The following FHIT variants were observed in gnomAD, a reference collection of about 807,000 sequenced individuals.
FHIT encodes the protein fragile histidine triad diadenosine triphosphatase.
In FHIT, 19 loss-of-function variants were observed where a neutral mutation model predicts 17.9. The observed-to-expected ratio is 1.06, with a 90% CI of 0.74 to 1.56. The LOEUF (loss-of-function observed/expected upper bound fraction) is 1.56. FHIT is among the 40% of genes most tolerant of loss of function. The pLI, the probability that FHIT is intolerant of heterozygous loss-of-function variation, is 0.00. For missense variants in FHIT, 248 were observed against 189.2 expected, an observed-to-expected ratio of 1.31 and a Z score of -1.82; for synonymous variants, 81 against 69.7, an observed-to-expected ratio of 1.16 and a Z score of -0.81.
intron 8 of FHIT, among the ~76,000 whole-genome samples, chr3:59,915,954 G>A (rs1463465138): frequency 1.3e-5 from 2 of 148,770 alleles, no homozygotes; most frequent in African/African-American, 2.5e-5. Context: ...AAAAAAAAGA[G>A]TTAATAAAAT....
chr3:59,760,211 A>G (rs1553663977), intron 8 of FHIT, among the ~76,000 whole-genome samples: 2 of 152,214 alleles, frequency 1.3e-5, no homozygotes, highest in Non-Finnish European at 2.9e-5. Context: ...AAGCTCTTAT[A>G]TTAATTAGTG....
intron 5 of FHIT, among the ~76,000 whole-genome samples, chr3:60,091,796 C>A (rs879513318): frequency 2.0e-5 from 3 of 152,164 alleles, no homozygotes; most frequent in Admixed American, 6.5e-5. Flanking sequence ...AGATGCCTCA[C>A]TCCCCCTTTC....
intron 7 of FHIT, among the ~76,000 whole-genome samples, chr3:59,969,925 T>G (rs533195143): frequency 6.6e-6 from 1 of 152,248 alleles, no homozygotes; most frequent in Non-Finnish European, 1.5e-5. Flanking sequence ...ACACCTCCCT[T>G]TGAAATAAAA....
At chr3:60,153,405 G>A (rs1256190115) in intron 5 of FHIT, among the ~76,000 whole-genome samples, 1 of 148,510 alleles carries the variant, frequency 6.7e-6, no homozygotes, top group Non-Finnish European at 1.5e-5. Flanking sequence ...GGGGGAGAAA[G>A]AGGTGCTACA....
At chr3:61,216,871 A>G (rs1266356312) in intron 1 of FHIT, among the ~76,000 whole-genome samples, 1 of 152,140 alleles carries the variant, frequency 6.6e-6, no homozygotes, top group African/African-American at 2.4e-5. Flanking sequence ...GGAAATCATC[A>G]TTCTCAGTAA....
chr3:60,442,193 T>A (rs2030945049), intron 5 of FHIT, among the ~76,000 whole-genome samples: 1 of 151,988 alleles, frequency 6.6e-6, no homozygotes, highest in African/African-American at 2.4e-5. Flanking sequence ...ATTCTCTTTT[T>A]TGAAAAGAGA....
At chr3:60,146,661 G>A (rs1040900847) in intron 5 of FHIT, among the ~76,000 whole-genome samples, 6 of 152,128 alleles carry the variant, frequency 3.9e-5, no homozygotes, top group East Asian at 3.9e-4. Flanking sequence ...GGCAGGACTC[G>A]CCTGAAATGG....
chr3:60,388,593 T>A (rs1348176054), intron 5 of FHIT, among the ~76,000 whole-genome samples: 16 of 151,916 alleles, frequency 1.1e-4, no homozygotes, highest in Non-Finnish European at 5.9e-5. Flanking sequence ...AGAGACCCAA[T>A]CTCCAAACAA....
chr3:60,557,307 T>C (rs1054470837), intron 4 of FHIT, among the ~76,000 whole-genome samples: 11 of 152,184 alleles, frequency 7.2e-5, no homozygotes, highest in Admixed American at 6.5e-4. Context: ...AAAGATCTTC[T>C]GCCCACATTG....
intron 5 of FHIT, among the ~76,000 whole-genome samples, chr3:60,035,452 A>G (rs952576899): frequency 6.6e-6 from 1 of 152,168 alleles, no homozygotes; most frequent in South Asian, 2.1e-4. Context: ...TGGCCAGGCT[A>G]GTCTCGAACT....
chr3:60,698,378 C>T (rs2041162508), intron 4 of FHIT, among the ~76,000 whole-genome samples: 1 of 152,140 alleles, frequency 6.6e-6, no homozygotes, highest in Non-Finnish European at 1.5e-5. Context: ...TACCTTCAGT[C>T]ATGACATTTG....
At chr3:60,094,935 C>T (rs895164052) in intron 5 of FHIT, among the ~76,000 whole-genome samples, 5 of 152,092 alleles carry the variant, frequency 3.3e-5, no homozygotes, top group Non-Finnish European at 7.4e-5. Context: ...CAACTCTGAA[C>T]GGACTTGAAT....
At chr3:59,972,313 G>C (rs1708221709) in intron 7 of FHIT, among the ~76,000 whole-genome samples, 1 of 152,052 alleles carries the variant, frequency 6.6e-6, no homozygotes, top group Non-Finnish European at 1.5e-5. Flanking sequence ...TGGACAGTAA[G>C]AATATTATTG....
At chr3:60,829,949 A>G (rs937703976) in intron 3 of FHIT, among the ~76,000 whole-genome samples, 1 of 149,854 alleles carries the variant, frequency 6.7e-6, no homozygotes, top group African/African-American at 2.4e-5. Flanking sequence ...CCCTTTCTGT[A>G]CCAGGAAGAG....
chr3:60,685,746 T>G (rs782746474), intron 4 of FHIT, among the ~76,000 whole-genome samples: 1 of 152,178 alleles, frequency 6.6e-6, no homozygotes, highest in Non-Finnish European at 1.5e-5. Flanking sequence ...CACACATGTA[T>G]GAATCTATTT....
At chr3:60,188,712 T>C (rs1241967457) in intron 5 of FHIT, among the ~76,000 whole-genome samples, 4 of 152,206 alleles carry the variant, frequency 2.6e-5, no homozygotes, top group African/African-American at 9.6e-5. Context: ...ACATTGAATC[T>C]ATTTCTATTA....
intron 5 of FHIT, among the ~76,000 whole-genome samples, chr3:60,340,881 G>T (rs1378033519): frequency 6.6e-6 from 1 of 152,026 alleles, no homozygotes; most frequent in Non-Finnish European, 1.5e-5. Flanking sequence ...TAGTAGAGAT[G>T]GGGTTTCACT....
intron 5 of FHIT, among the ~76,000 whole-genome samples, chr3:60,061,523 T>C (rs911681565): frequency 6.6e-6 from 1 of 152,220 alleles, no homozygotes; most frequent in African/African-American, 2.4e-5. Flanking sequence ...CATTTTGTAT[T>C]TTTGCATTTC....
chr3:60,435,130 C>G (rs573698209), intron 5 of FHIT, among the ~76,000 whole-genome samples: 13 of 152,268 alleles, frequency 8.5e-5, no homozygotes, highest in Middle Eastern at 3.4e-3. Flanking sequence ...CATGCACAGC[C>G]TTTTCTCTTT....
Sources: allele counts gnomAD v4.1 joint callset (sites outside exome capture counted in the v4.1 genomes callset), GRCh38; gene constraint gnomAD v4.1.1; transcripts MANE v1.5; gene names NCBI Gene and HGNC (gene_info 2026-07-23, HGNC 2026-07-21).